RYR2: variants seen among roughly 807,000 people sequenced by gnomAD.
The protein encoded by RYR2 is ryanodine receptor 2.
Under a neutral mutation model 601.1 loss-of-function variants are expected in RYR2, and 227 were observed. The observed-to-expected ratio is 0.38, with a 90% CI of 0.34 to 0.42. The LOEUF is 0.42. RYR2 is among the 10% of genes least tolerant of loss of function. The probability of loss-of-function intolerance (pLI) is 1.00; values close to 1 mark genes in which losing one functional copy is unlikely to be tolerated. For missense variants in RYR2, 4,646 were observed against 6,156.5 expected (o/e 0.75, Z 8.21); for synonymous variants, 2,223 against 2,175.1 (o/e 1.02, Z -0.61).
intron 56 of RYR2, 104 bp from the exon 57 acceptor site, chr1:237,666,408 G>GA (rs1684331217): frequency 1.0e-6 from 1 of 956,088 alleles, no homozygotes; most frequent in African/African-American, 1.7e-5. Flanking sequence ...TTTATCTAAG[G>GA]AAACACTATG....
At chr1:237,685,809 C>A (rs886521980) in intron 62 of RYR2, among the ~76,000 whole-genome samples, 3 of 152,092 alleles carry the variant, frequency 2.0e-5, no homozygotes, top group African/African-American at 7.2e-5. Flanking sequence ...AATCTTATGT[C>A]TAGTAGCCAC....
rs560886680 is a variant in RYR2 at position 237,176,227 on chromosome 1, ACT to A, written c.49-94267_49-94266del. ...ACTTCAGCCTGGGCGATAGAGCAAG[ACT>A]CTGTCTCTTAATGAAAAAAATATAT... On this transcript the variant is annotated intron_variant, in intron 1 of 104. Coordinates refer to ENST00000366574, the MANE Select transcript of RYR2 (RefSeq NM_001035.3). 2.5e-3 allele frequency among the ~76,000 whole-genome samples: 354 copies of A among 140,284 alleles called. 3 individuals are homozygous for A. Among genetic ancestry groups the A allele is most frequent in the South Asian group, 0.014 (62 of 4,282 alleles). The allele number at this position is 140,284 out of a possible 152,430, so 92.0% of individuals were successfully genotyped here. A position where few individuals can be genotyped will look rare whatever the true frequency, so the allele number is the denominator to read the frequency against.
chr1:237,387,334 T>C lies in RYR2; in HGVS notation c.630T>C (p.Thr210=). Reference sequence around the variant, plus strand: ...ACGTGGATGCCGCTTTCCAGCAGACTCTCTGGAGCGTGGCCCCAATCAGCT... The same window carrying C: ...ACGTGGATGCCGCTTTCCAGCAGACCCTCTGGAGCGTGGCCCCAATCAGCT... ...SLHVDAAFQQ[T]LWSVAPISSG... is the part of the protein sequence containing the mutation. Residue 210 remains threonine (T), a synonymous_variant, in exon 9 of 105, where the codon ACT becomes ACC. Transcript: ENST00000366574. The C allele has an allele frequency of 1.2e-6, 2 of 1,614,012 alleles. No individual in the cohort carries two copies. Among genetic ancestry groups the C allele is most frequent in the Non-Finnish European group, 8.5e-7 (1 of 1,179,886 alleles).
At chr1:237,314,052 A>C (rs1572570957) in intron 2 of RYR2, among the ~76,000 whole-genome samples, 1 of 143,746 alleles carries the variant, frequency 7.0e-6, no homozygotes. Context: ...TTTGTGTTTC[A>C]ACATGAATTT....
intron 3 of RYR2, among the ~76,000 whole-genome samples, chr1:237,342,056 A>G (rs894638919): frequency 1.3e-5 from 2 of 152,206 alleles, no homozygotes; most frequent in Non-Finnish European, 1.5e-5. Context: ...TATTTACAGA[A>G]GGCAATACAA....
At chr1:237,594,473 G>A (rs1254621881) in intron 33 of RYR2, among the ~76,000 whole-genome samples, 1 of 152,098 alleles carries the variant, frequency 6.6e-6, no homozygotes, top group Non-Finnish European at 1.5e-5. Context: ...CTTTACATAA[G>A]TTTGGAACAA....
intron 1 of RYR2, among the ~76,000 whole-genome samples, chr1:237,119,424 ATGTGTGTGCG>A (rs1173362311): frequency 2.0e-5 from 3 of 152,070 alleles, no homozygotes; most frequent in African/African-American, 7.2e-5. Context: ...GTGTGTGTGC[ATGTGTGTGCG>A]TGTGTGTGCG....
chr1:237,226,625 G>A (rs1223806040), intron 1 of RYR2, among the ~76,000 whole-genome samples: 1 of 152,182 alleles, frequency 6.6e-6, no homozygotes, highest in Non-Finnish European at 1.5e-5. Context: ...ACACTGGACT[G>A]CTAGTTGGCA....
In RYR2 at chr1:237,500,992, T is replaced by C; in HGVS notation, c.2396+89T>C. ...CTGCACTGCCATTGCCCTTCTTCTC[T>C]AACCATTGTTTGTCTCTCCTGGGCA... On this transcript the variant is annotated intron_variant, in intron 21 of 104. Coordinates refer to ENST00000366574, the MANE Select transcript of RYR2 (RefSeq NM_001035.3). 1.6e-6 allele frequency: 2 copies of C among 1,260,564 alleles called. 1 individual carries two copies. The highest frequency in any genetic ancestry group is 2.3e-6 in the Non-Finnish European group (2 of 869,550). The allele number at this position is 1,260,564 out of a possible 1,614,324, so 78.1% of individuals were successfully genotyped here. A position where few individuals can be genotyped will look rare whatever the true frequency, so the allele number is the denominator to read the frequency against.
chr1:237,165,055 C>T (rs1038158867), intron 1 of RYR2, among the ~76,000 whole-genome samples: 6 of 151,562 alleles, frequency 4.0e-5, no homozygotes, highest in Non-Finnish European at 2.9e-5. Context: ...CTCAGGGCAG[C>T]CTTGAACTCC....
intron 1 of RYR2, among the ~76,000 whole-genome samples, chr1:237,243,501 A>G (rs1466470666): frequency 6.6e-6 from 1 of 152,156 alleles, no homozygotes; most frequent in African/African-American, 2.4e-5. Context: ...CAGAGCTTCC[A>G]TGCCCTCCCT....
intron 2 of RYR2, among the ~76,000 whole-genome samples, chr1:237,316,893 C>A (rs1030785084): frequency 6.6e-6 from 1 of 152,166 alleles, no homozygotes; most frequent in Non-Finnish European, 1.5e-5. Flanking sequence ...GGATGACCAA[C>A]AACCACAAAC....
intron 25 of RYR2, among the ~76,000 whole-genome samples, chr1:237,545,691 C>G (rs1485108618): frequency 6.6e-6 from 1 of 151,646 alleles, no homozygotes; most frequent in Non-Finnish European, 1.5e-5. Flanking sequence ...GGAAATTAGA[C>G]TATGCTAGCT....
At chr1:237,697,567 A>G (rs574743156) in intron 63 of RYR2, among the ~76,000 whole-genome samples, 316 of 146,374 alleles carry the variant, frequency 2.2e-3, no homozygotes, top group African/African-American at 7.7e-3. Context: ...GTGGCCTGCT[A>G]TTATGTTATA....
chr1:237,645,845 C>T (rs1363964861), intron 48 of RYR2, among the ~76,000 whole-genome samples: 1 of 149,716 alleles, frequency 6.7e-6, no homozygotes, highest in Non-Finnish European at 1.5e-5. Context: ...CAACACAATC[C>T]ATTGGTATTT....
chr1:237,657,972 T>G lies in RYR2; in HGVS notation c.8158T>G (p.Phe2720Val). The change falls in exon 54 of 105, where the codon TTC becomes GTC. Residue 2720 changes from phenylalanine (F) to valine (V), a missense_variant. By Grantham distance (50) the Phe-to-Val change is conservative (BLOSUM62 -1). Transcript: ENST00000366574. The stretch of plus-strand genomic sequence containing the variant: ...TACAATTCCTGAGAAATTGGAATAC[T>G]TCATTAACAAATATGCAGAACACTC... Reference protein sequence around the residue: ...NITIPEKLEYFINKYAEHSHD... With the variant: ...NITIPEKLEYVINKYAEHSHD... 1 of 1,519,446 alleles carries G rather than the reference T, an allele frequency of 6.6e-7. No individual in the cohort carries two copies. Among genetic ancestry groups the G allele is most frequent in the Middle Eastern group, 1.7e-4 (1 of 5,878 alleles). The allele number at this position is 1,519,446 out of a possible 1,614,324, so 94.1% of individuals were successfully genotyped here.
rs774789006 is a variant in RYR2, at chr1:237,377,314, T to C, written c.464-9T>C. On this transcript the variant is annotated splice_polypyrimidine_tract_variant and intron_variant, in intron 7 of 104. Transcript: ENST00000366574. ...CTTTTTCATGTTTCACATATCCGTA[T>C]ATCTGCAGGGGAGGCTTGTTGGTGG... 67 of 1,596,058 alleles carry C rather than the reference T, an allele frequency of 4.2e-5. No individual in the cohort carries two copies. Among genetic ancestry groups the C allele is most frequent in the Non-Finnish European group, 5.5e-5 (64 of 1,169,956 alleles).
At chr1:237,088,195 G>T (rs1019832524) in intron 1 of RYR2, among the ~76,000 whole-genome samples, 4 of 152,040 alleles carry the variant, frequency 2.6e-5, no homozygotes, top group Admixed American at 1.3e-4. Flanking sequence ...AGCTGTAAAG[G>T]CGTGTAAAGC....
chr1:237,580,181 GT>G (rs1188429837), intron 29 of RYR2, among the ~76,000 whole-genome samples: 1 of 105,804 alleles, frequency 9.5e-6, no homozygotes, highest in Non-Finnish European at 2.0e-5. Context: ...TTGAGACGGA[GT>G]TTTGCTCTCG....
Sources: allele counts gnomAD v4.1 joint callset (sites outside exome capture counted in the v4.1 genomes callset), GRCh38; gene constraint gnomAD v4.1.1; transcripts MANE v1.5; gene names NCBI Gene and HGNC (gene_info 2026-07-23, HGNC 2026-07-21).